The following DLG2 variants were observed in gnomAD, a reference collection of about 807,000 sequenced individuals.
DLG2 encodes the protein discs large MAGUK scaffold protein 2.
A neutral mutation model predicts 132.5 loss-of-function variants in DLG2; 45 were observed. That is an observed-to-expected ratio of 0.34 (90% CI 0.27 to 0.44). The LOEUF is 0.44. Ranked by LOEUF, DLG2 falls within the 20% of genes least tolerant of loss-of-function variation. DLG2 has a pLI of 1.00. For missense variants in DLG2, 1,045 were observed against 1,196.9 expected (o/e 0.87, Z 1.87); for synonymous variants, 424 against 419.6 (o/e 1.01, Z -0.13).
chr11:85,342,222 C>T (rs2082549292), intron 3 of DLG2, among the ~76,000 whole-genome samples: 1 of 152,150 alleles, frequency 6.6e-6, no homozygotes, highest in African/African-American at 2.4e-5. Flanking sequence ...TGTAATAACA[C>T]TTAGCTTAAA....
intron 5 of DLG2, among the ~76,000 whole-genome samples, chr11:85,145,125 T>TC (rs397744688): frequency 3.3e-5 from 5 of 152,078 alleles, no homozygotes; most frequent in African/African-American, 1.2e-4. Flanking sequence ...ATTTTTTTTT[T>TC]CCTTCAGCAC....
chr11:84,036,274 T>G (rs1277564537), intron 11 of DLG2, among the ~76,000 whole-genome samples: 5 of 152,158 alleles, frequency 3.3e-5, no homozygotes, highest in African/African-American at 1.2e-4. Context: ...TTGTATATCG[T>G]CACAGATAAA....
Position 84,515,314 on chromosome 11 carries a change from CA to C in DLG2, c.519+19255del, listed in dbSNP as rs1215319658. On this transcript the variant is annotated intron_variant, in intron 7 of 27. Transcript: ENST00000376104. ...ACACACACACACACACACACACACA[CA>C]CCCCAAATATATGCAGCCTACGAAA... Among the ~76,000 whole-genome samples the C allele has an allele frequency of 0.012, 1,746 of 149,434 alleles. 91 individuals are homozygous for C. The East Asian group carries it at 0.18, about 16-fold the overall frequency.
intron 4 of DLG2, among the ~76,000 whole-genome samples, chr11:85,237,530 C>A (rs1375792371): frequency 2.6e-5 from 4 of 152,026 alleles, no homozygotes; most frequent in African/African-American, 9.7e-5. Context: ...CAAAACTTAA[C>A]TAGTGTAAAC....
At chr11:85,300,143 C>A (rs2079498108) in intron 3 of DLG2, among the ~76,000 whole-genome samples, 1 of 152,014 alleles carries the variant, frequency 6.6e-6, no homozygotes, top group African/African-American at 2.4e-5. Context: ...AACTAACAGT[C>A]TAGTAGAAAA....
At chr11:84,468,216 T>C (rs1454944544) in intron 7 of DLG2, among the ~76,000 whole-genome samples, 1 of 151,618 alleles carries the variant, frequency 6.6e-6, no homozygotes, top group African/African-American at 2.4e-5. Context: ...AGATTGGGTA[T>C]GCCTTATTGG....
rs937772225 is a variant in DLG2 at position 84,728,208 on chromosome 11, A to G, written c.358-193477T>C. Among the ~76,000 whole-genome samples, 7 of 152,140 alleles carry G rather than the reference A, an allele frequency of 4.6e-5. No homozygotes were observed. In the South Asian group the frequency reaches 1.2e-3, roughly 27 times the overall value. ...TGCTTCCAGTTTTTGCCCATTTAGT[A>G]TGATATTGGCTGTGGGTTTGTCATA... On this transcript the variant is annotated intron_variant, in intron 6 of 27. Coordinates refer to ENST00000376104, the MANE Select transcript of DLG2 (RefSeq NM_001142699.3).
intron 6 of DLG2, among the ~76,000 whole-genome samples, chr11:84,818,612 A>G (rs1284684759): frequency 1.3e-5 from 2 of 151,966 alleles, no homozygotes; most frequent in Non-Finnish European, 2.9e-5. Context: ...AAAGCCCTGT[A>G]TCTAATTTTG....
At chr11:83,561,947 G>T (rs376985251) in intron 19 of DLG2, among the ~76,000 whole-genome samples, 34 of 132,812 alleles carry the variant, frequency 2.6e-4, no homozygotes, top group East Asian at 1.3e-3. Context: ...GGAGTGCAGT[G>T]GTGTAATCTT....
intron 18 of DLG2, among the ~76,000 whole-genome samples, chr11:83,654,268 G>T (rs2071606014): frequency 1.3e-5 from 2 of 152,114 alleles, no homozygotes; most frequent in South Asian, 2.1e-4. Context: ...TAATATCAGA[G>T]AATGTGCCTT....
chr11:83,821,470 C>A (rs1429605256), intron 17 of DLG2, among the ~76,000 whole-genome samples: 1 of 152,070 alleles, frequency 6.6e-6, no homozygotes, highest in African/African-American at 2.4e-5. Flanking sequence ...AAGAATAAGT[C>A]ATAGTAGTTG....
At chr11:84,921,901 G>T (rs753889287) in intron 6 of DLG2, among the ~76,000 whole-genome samples, 5 of 152,036 alleles carry the variant, frequency 3.3e-5, no homozygotes, top group African/African-American at 7.2e-5. Context: ...GACTGCTAAA[G>T]TTCATTTTAA....
chr11:85,436,639 T>C (rs139629540), intron 3 of DLG2, among the ~76,000 whole-genome samples: 25 of 152,102 alleles, frequency 1.6e-4, no homozygotes, highest in Non-Finnish European at 3.4e-4. Context: ...ATGGCAATTA[T>C]TTAAAAGGAA....
At chr11:83,506,364 C>A (rs971121440) in intron 21 of DLG2, among the ~76,000 whole-genome samples, 2 of 152,196 alleles carry the variant, frequency 1.3e-5, no homozygotes, top group African/African-American at 4.8e-5. Flanking sequence ...TTATCTCACA[C>A]CTTTAATATC....
At chr11:84,485,391 A>G (rs2099148202) in intron 7 of DLG2, among the ~76,000 whole-genome samples, 1 of 152,164 alleles carries the variant, frequency 6.6e-6, no homozygotes, top group South Asian at 2.1e-4. Flanking sequence ...AAATAACTCT[A>G]AAGGATGATA....
intron 3 of DLG2, among the ~76,000 whole-genome samples, chr11:85,425,538 G>T (rs1811926435): frequency 6.6e-6 from 1 of 152,048 alleles, no homozygotes; most frequent in Admixed American, 6.6e-5. Flanking sequence ...AAAACTTTTA[G>T]AATGTAACTT....
chr11:83,668,694 TGTATATAAA>T (rs2076179514), intron 18 of DLG2, among the ~76,000 whole-genome samples: 1 of 16,572 alleles, frequency 6.0e-5, no homozygotes, highest in Non-Finnish European at 1.1e-4. Flanking sequence ...TATATATATG[TGTATATAAA>T]CACATATATA....
At position 85,507,064 on chromosome 11, in the gene DLG2, T is replaced by C. The variant is rs138934172; in HGVS notation, c.40+91593A>G. 3.5e-4 allele frequency among the ~76,000 whole-genome samples: 53 copies of C among 152,344 alleles called. 1 individual carries two copies. In the South Asian group the frequency reaches 6.0e-3, roughly 17 times the overall value. ...CATTTTTTGTTTTCCATTTTGTTGG[T>C]AGATCTTCCTGCATCCCTTTATTTT... On this transcript the variant is annotated intron_variant, in intron 3 of 27. Coordinates refer to ENST00000376104, the MANE Select transcript of DLG2 (RefSeq NM_001142699.3).
intron 6 of DLG2, among the ~76,000 whole-genome samples, chr11:84,535,668 C>T (rs528014226): frequency 1.9e-4 from 29 of 152,248 alleles, no homozygotes; most frequent in Non-Finnish European, 7.4e-5. Context: ...GTGTCTTTTT[C>T]TAGTTTGTAC....
Sources: gnomAD v4.1 joint callset for allele counts (sites outside exome capture counted in the v4.1 genomes callset) on GRCh38, gnomAD v4.1.1 for gene constraint, MANE v1.5 for transcripts, NCBI Gene and HGNC (gene_info 2026-07-23, HGNC 2026-07-21) for gene names.